Variants in FAAH2 observed in about 807,000 individuals in gnomAD.
FAAH2 encodes fatty acid amide hydrolase 2.
Under a neutral mutation model 36.9 loss-of-function variants are expected in FAAH2, and 60 were observed. The observed-to-expected ratio is 1.63, with a 90% confidence interval of 1.32 to 2.02. The LOEUF (loss-of-function observed/expected upper bound fraction) is 2.02, where lower values mean the gene tolerates loss of function less well. Ranked by LOEUF, FAAH2 falls within the 30% of genes most tolerant of loss-of-function variation. The pLI is 0.00. For synonymous variants in FAAH2, 214 were observed against 143.8 expected (o/e 1.49, Z -3.49); for missense variants, 689 against 397.5 (o/e 1.73, Z -6.23).
intron 5 of FAAH2, among the ~76,000 whole-genome samples, chrX:57,345,813 G>T (rs768775480): frequency 2.5e-4 from 28 of 111,278 alleles, no homozygotes; most frequent in African/African-American, 8.8e-4. Context: ...AAAGATTTTG[G>T]TAAGTTATTT....
chrX:57,233,065 C>T, the FAAH2 span, among the ~76,000 whole-genome samples: 1 of 112,309 alleles, frequency 8.9e-6, no homozygotes, highest in African/African-American at 3.2e-5. Context: ...CTCCTCTGCT[C>T]ATGAGATATA....
chrX:57,172,782 G>A, the FAAH2 span, among the ~76,000 whole-genome samples: 2 of 111,517 alleles, frequency 1.8e-5, no homozygotes, highest in Non-Finnish European at 3.8e-5. Flanking sequence ...CTGGTTGATG[G>A]CCTGCCAGCC....
the FAAH2 span, among the ~76,000 whole-genome samples, chrX:57,221,832 CT>C: frequency 9.1e-6 from 1 of 110,070 alleles, no homozygotes; most frequent in Non-Finnish European, 1.9e-5. Flanking sequence ...CTGGTGCATA[CT>C]ACCTCAAGGT....
At chrX:57,423,484 G>A (rs1029124699) in intron 7 of FAAH2, among the ~76,000 whole-genome samples, 6 of 111,608 alleles carry the variant, frequency 5.4e-5, no homozygotes, top group African/African-American at 2.0e-4. Context: ...TTTGTGTCTC[G>A]TCTGGCTGTT....
chrX:57,446,894 A>T (rs1446851338), intron 8 of FAAH2, 34 bp from the exon 9 acceptor site: 4 of 1,085,513 alleles, frequency 3.7e-6, no homozygotes, highest in Non-Finnish European at 5.1e-6. Context: ...TTGAGAAAAT[A>T]CTCTTGTATT....
chrX:57,149,923 T>A, the FAAH2 span, among the ~76,000 whole-genome samples: 1 of 111,896 alleles, frequency 8.9e-6, no homozygotes, highest in Admixed American at 9.5e-5. Context: ...CTCTACACAC[T>A]GCTTTAAATG....
intron 5 of FAAH2, among the ~76,000 whole-genome samples, chrX:57,355,192 AC>A (rs765382403): frequency 9.0e-6 from 1 of 111,368 alleles, no homozygotes; most frequent in South Asian, 3.7e-4. Context: ...AGTTCTGAAT[AC>A]AAAAACATGT....
At chrX:57,331,865 T>C (rs928571083) in intron 4 of FAAH2, 58 bp downstream of exon 4, 35 of 1,077,251 alleles carry the variant, frequency 3.2e-5, no homozygotes, top group Non-Finnish European at 4.0e-5. Context: ...TAATTATGAA[T>C]TGTATTAATA....
At chrX:57,272,873 G>C in the FAAH2 span, among the ~76,000 whole-genome samples, 1 of 112,045 alleles carries the variant, frequency 8.9e-6, no homozygotes, top group Non-Finnish European at 1.9e-5. Flanking sequence ...AAAACAACCA[G>C]CTAGAATCAT....
the FAAH2 span, among the ~76,000 whole-genome samples, chrX:57,126,229 G>C: frequency 8.9e-6 from 1 of 112,246 alleles, no homozygotes; most frequent in Non-Finnish European, 1.9e-5. Flanking sequence ...AAATTAGAGA[G>C]ATCTTTGGAC....
At chrX:57,317,306 A>G (rs905155140) in intron 3 of FAAH2, among the ~76,000 whole-genome samples, 1 of 112,603 alleles carries the variant, frequency 8.9e-6, no homozygotes, top group Non-Finnish European at 1.9e-5. Context: ...GGCTCAAAAT[A>G]AAAGGATGGA....
the FAAH2 span, among the ~76,000 whole-genome samples, chrX:57,170,162 G>A: frequency 9.0e-6 from 1 of 111,547 alleles, no homozygotes; most frequent in Admixed American, 9.5e-5. Context: ...GTAGAAACTG[G>A]GTTTTGCCAT....
At chrX:57,403,746 T>TC (rs1289376261) in intron 7 of FAAH2, among the ~76,000 whole-genome samples, 1 of 111,014 alleles carries the variant, frequency 9.0e-6, no homozygotes, top group Non-Finnish European at 1.9e-5. Context: ...TGTGTTTTTT[T>TC]CTCAATCACC....
chrX:57,226,434 C>A, the FAAH2 span, among the ~76,000 whole-genome samples: 3 of 111,706 alleles, frequency 2.7e-5, no homozygotes, highest in African/African-American at 6.5e-5. Flanking sequence ...ATAAAAAATT[C>A]TTGGCTGATA....
the FAAH2 span, among the ~76,000 whole-genome samples, chrX:57,252,417 T>G: frequency 8.9e-6 from 1 of 112,369 alleles, no homozygotes; most frequent in Non-Finnish European, 1.9e-5. Context: ...TGAGCTCTGC[T>G]AACAGACAGA....
At chrX:57,154,546 TAC>T in the FAAH2 span, among the ~76,000 whole-genome samples, 1 of 110,421 alleles carries the variant, frequency 9.1e-6, no homozygotes, top group Non-Finnish European at 1.9e-5. Context: ...GTGTTGGGAT[TAC>T]AGTTATAAGC....
the FAAH2 span, among the ~76,000 whole-genome samples, chrX:57,207,689 A>G: frequency 8.9e-6 from 1 of 112,510 alleles, no homozygotes; most frequent in South Asian, 3.7e-4. Flanking sequence ...GTCTGAATCA[A>G]TGACTCCTGT....
the FAAH2 span, among the ~76,000 whole-genome samples, chrX:57,207,915 G>A: frequency 1.1e-4 from 12 of 112,859 alleles, no homozygotes; most frequent in African/African-American, 1.3e-4. Context: ...GGCCTGAGCC[G>A]GAAATGCCCC....
the FAAH2 span, among the ~76,000 whole-genome samples, chrX:57,215,538 T>G: frequency 9.0e-6 from 1 of 111,551 alleles, no homozygotes; most frequent in Admixed American, 9.5e-5. Context: ...CAGCACTATT[T>G]ACAATATCAA....
Sources: allele counts gnomAD v4.1 joint callset (sites outside exome capture counted in the v4.1 genomes callset), GRCh38; gene constraint gnomAD v4.1.1; transcripts MANE v1.5; gene names NCBI Gene and HGNC (gene_info 2026-07-23, HGNC 2026-07-21).